Variants in CALN1 observed in about 807,000 individuals in gnomAD.
CALN1 encodes calneuron 1, also known as calcium-binding protein 8.
In CALN1, 17 loss-of-function variants were observed where a neutral mutation model predicts 30.6. The observed-to-expected ratio is 0.56, with a 90% CI of 0.38 to 0.83. The LOEUF (loss-of-function observed/expected upper bound fraction) is 0.83. CALN1 is among the 40% of genes least tolerant of loss of function. CALN1 has a pLI of 0.00. For missense variants in CALN1, 291 were observed against 354.9 expected (o/e 0.82, Z 1.45); for synonymous variants, 156 against 131.4 (o/e 1.19, Z -1.28).
the CALN1 span, among the ~76,000 whole-genome samples, chr7:72,470,093 C>T: frequency 6.6e-6 from 1 of 152,196 alleles, no homozygotes; most frequent in South Asian, 2.1e-4. Context: ...AACCATTTTA[C>T]ATTCCCACCA....
At chr7:72,141,562 G>C (rs530578781) in intron 3 of CALN1, among the ~76,000 whole-genome samples, 1 of 152,136 alleles carries the variant, frequency 6.6e-6, no homozygotes, top group East Asian at 1.9e-4. Context: ...CTCAGATGAT[G>C]CTAACATCAC....
intron 5 of CALN1, among the ~76,000 whole-genome samples, chr7:71,904,083 C>G (rs888444057): frequency 2.0e-5 from 3 of 152,030 alleles, no homozygotes; most frequent in African/African-American, 4.8e-5. Flanking sequence ...AAAAGGAAAC[C>G]CTTATAAACT....
intron 4 of CALN1, among the ~76,000 whole-genome samples, chr7:72,043,727 A>G (rs748298768): frequency 7.9e-5 from 12 of 152,178 alleles, no homozygotes; most frequent in Non-Finnish European, 1.8e-4. Context: ...TCCGGTCTAG[A>G]CAACAGAGTG....
At chr7:71,854,686 T>C (rs1422499965) in intron 5 of CALN1, among the ~76,000 whole-genome samples, 3 of 152,324 alleles carry the variant, frequency 2.0e-5, no homozygotes, top group South Asian at 2.1e-4. Context: ...TTAGATGCAG[T>C]TGAAGTTGCC....
At chr7:72,461,965 G>A in the CALN1 span, among the ~76,000 whole-genome samples, 13 of 151,522 alleles carry the variant, frequency 8.6e-5, no homozygotes, top group African/African-American at 2.4e-4. Flanking sequence ...CCAAGATTGC[G>A]CCACCGCACT....
At chr7:72,063,131 G>T (rs1803779228) in intron 4 of CALN1, among the ~76,000 whole-genome samples, 1 of 152,098 alleles carries the variant, frequency 6.6e-6, no homozygotes, top group African/African-American at 2.4e-5. Context: ...CAAAAAAAAG[G>T]ATCAAGCTGT....
At chr7:72,004,731 T>C (rs958119489) in intron 5 of CALN1, among the ~76,000 whole-genome samples, 1 of 150,954 alleles carries the variant, frequency 6.6e-6, no homozygotes, top group Non-Finnish European at 1.5e-5. Flanking sequence ...ACTAACCAAT[T>C]TGCAAACAAC....
At chr7:72,151,496 C>T (rs1787246169) in intron 3 of CALN1, among the ~76,000 whole-genome samples, 1 of 152,164 alleles carries the variant, frequency 6.6e-6, no homozygotes, top group Non-Finnish European at 1.5e-5. Context: ...GGGGCGCCAA[C>T]ATATTATTTT....
At chr7:72,001,736 G>A (rs1306968419) in intron 5 of CALN1, among the ~76,000 whole-genome samples, 1 of 152,092 alleles carries the variant, frequency 6.6e-6, no homozygotes, top group Non-Finnish European at 1.5e-5. Context: ...ATGCCCCTTG[G>A]TTGAATTCTT....
At chr7:71,836,049 A>G (rs1378047764) in intron 5 of CALN1, among the ~76,000 whole-genome samples, 1 of 152,206 alleles carries the variant, frequency 6.6e-6, no homozygotes, top group African/African-American at 2.4e-5. Context: ...CTTGCACCAA[A>G]GACATCTCAA....
chr7:71,885,388 G>A (rs1314863922), intron 5 of CALN1, among the ~76,000 whole-genome samples: 5 of 152,150 alleles, frequency 3.3e-5, no homozygotes, highest in Admixed American at 2.0e-4. Flanking sequence ...TCCTGATATC[G>A]TGATCCGCCC....
chr7:72,214,604 C>T (rs1253275951), intron 3 of CALN1, among the ~76,000 whole-genome samples: 1 of 151,912 alleles, frequency 6.6e-6, no homozygotes, highest in Non-Finnish European at 1.5e-5. Flanking sequence ...GGTGACAGAG[C>T]GAGATCTTGT....
intron 2 of CALN1, among the ~76,000 whole-genome samples, chr7:72,283,714 C>T (rs1797885212): frequency 6.6e-6 from 1 of 152,148 alleles, no homozygotes; most frequent in South Asian, 2.1e-4. Flanking sequence ...TCAGTGAGAC[C>T]TGACAAAGGG....
chr7:72,488,594 A>T, the CALN1 span, among the ~76,000 whole-genome samples: 1 of 151,970 alleles, frequency 6.6e-6, no homozygotes, highest in Admixed American at 6.6e-5. Context: ...CTGCTAAACT[A>T]TATTGGAGCA....
intron 1 of CALN1, among the ~76,000 whole-genome samples, chr7:72,404,302 G>A (rs1472480606): frequency 2.0e-5 from 3 of 152,142 alleles, no homozygotes; most frequent in Non-Finnish European, 2.9e-5. Context: ...CACACTGTGT[G>A]GCATTTAGGC....
intron 5 of CALN1, among the ~76,000 whole-genome samples, chr7:71,827,162 T>C (rs1203658597): frequency 6.6e-6 from 1 of 152,174 alleles, no homozygotes; most frequent in East Asian, 1.9e-4. Flanking sequence ...ACTTGGCGTG[T>C]CACTTAAATG....
chr7:72,266,650 C>G (rs1276149743), intron 3 of CALN1, among the ~76,000 whole-genome samples: 1 of 152,136 alleles, frequency 6.6e-6, no homozygotes, highest in Non-Finnish European at 1.5e-5. Context: ...CTTTTGGAAA[C>G]AGGCAGAATA....
intron 3 of CALN1, among the ~76,000 whole-genome samples, chr7:72,170,158 C>T (rs1563117669): frequency 6.6e-6 from 1 of 152,012 alleles, no homozygotes; most frequent in African/African-American, 2.4e-5. Flanking sequence ...TTTCTTTTTA[C>T]ATTTTGTAGA....
intron 2 of CALN1, among the ~76,000 whole-genome samples, chr7:72,362,308 T>C (rs998619696): frequency 2.0e-5 from 3 of 152,176 alleles, no homozygotes; most frequent in African/African-American, 7.2e-5. Flanking sequence ...CCAGTGAAGA[T>C]ATAGAAGATT....
Sources: gnomAD v4.1 joint callset for allele counts (sites outside exome capture counted in the v4.1 genomes callset) on GRCh38, gnomAD v4.1.1 for gene constraint, MANE v1.5 for transcripts, NCBI Gene and HGNC (gene_info 2026-07-23, HGNC 2026-07-21) for gene names.